KRI1: variants seen among roughly 807,000 people sequenced by gnomAD.
KRI1 encodes KRI1 homolog, also known as protein KRI1 homolog.
Under a neutral mutation model 97.0 loss-of-function variants are expected in KRI1, and 83 were observed. The ratio of observed to expected loss-of-function variants is 0.86; its 90% CI spans 0.72 to 1.03. The LOEUF (loss-of-function observed/expected upper bound fraction) is 1.03. Ranked by LOEUF, KRI1 falls within the 50% of genes least tolerant of loss-of-function variation. The pLI is 0.00. For missense variants in KRI1, 916 were observed against 928.4 expected (o/e 0.99, Z 0.17); for synonymous variants, 371 against 363.5 (o/e 1.02, Z -0.23).
chr19:10,565,580 T>C (rs1001724982), intron 2 of KRI1, 137 bp downstream of exon 2: 8 of 1,093,340 alleles, frequency 7.3e-6, no homozygotes, highest in Middle Eastern at 3.1e-4. Flanking sequence ...CTGTCCCTCA[T>C]GGGATGGGGA....
intron 12 of KRI1, 83 bp downstream of exon 12, chr19:10,559,276 A>AT: frequency 7.4e-6 from 11 of 1,487,658 alleles, no homozygotes; most frequent in Non-Finnish European, 9.2e-6. Flanking sequence ...AAGTGCTGGG[A>AT]TTACAGGCGT....
rs769497891 is a variant in KRI1 at position 10,559,433 on chromosome 19, T to A, written c.1120A>T (p.Asn374Tyr). 1.9e-6 allele frequency: 3 copies of A among 1,614,086 alleles called. No individual in the cohort carries two copies. The highest frequency in any genetic ancestry group is 1.7e-6 in the Non-Finnish European group (2 of 1,180,040). ...CCCTCCTCGAGGCCCAGCATCTCGT[T>A]GCCTGTTACTTTCCGCAGCTTCTCC... Reference protein sequence around the residue: ...KLEKLRKVTGNEMLGLEEGDL... With the variant: ...KLEKLRKVTGYEMLGLEEGDL... Residue 374 changes from asparagine (N) to tyrosine (Y), a missense_variant, in exon 12 of 19, where the codon AAC (asparagine) becomes TAC (tyrosine). Physicochemically the swap from Asn to Tyr is moderately radical, Grantham distance 143. Around this residue, in one of 3 missense-constraint regions of KRI1, gnomAD observed 672 missense variants for 667.2 expected, o/e 1.01. Transcript: ENST00000312962.
chr19:10,561,176 T>C lies in KRI1; in HGVS notation c.578A>G (p.Gln193Arg). The C allele has an allele frequency of 6.2e-7, 1 of 1,614,128 alleles. No homozygotes were observed. ...SLLQKRAKTR[Q>R]EKAQEEADYI... ...TCAGGCCCCAGTACCCACCTTCTCC[T>C]GCCTGGTTTTGGCACGTTTCTGCAG... Residue 193 changes from glutamine to arginine, a missense_variant, in exon 7 of 19, where the codon CAG becomes CGG. By Grantham distance (43) the Gln-to-Arg change is conservative. Coordinates refer to ENST00000312962, the MANE Select transcript of KRI1 (RefSeq NM_023008.5).
At chr19:10,562,873 A>T in intron 3 of KRI1, 36 bp from the exon 4 acceptor site, 2 of 1,298,172 alleles carry the variant, frequency 1.5e-6, no homozygotes, top group Admixed American at 1.7e-5. Flanking sequence ...CATCACCCAC[A>T]ACCCCCTTCT....
Position 10,559,586 on chromosome 19 carries a change from C to T in KRI1, c.1023+27G>A, listed in dbSNP as rs1169823477. On this transcript the variant is annotated intron_variant, in intron 11 of 18. Coordinates refer to ENST00000312962, the MANE Select transcript of KRI1 (RefSeq NM_023008.5). Reference sequence around the variant, plus strand: ...GGGCTTTCCTCCAGGGCTGGGGGGTCCTCCCCAGCTCACCCCCCACACTCA... The same window carrying T: ...GGGCTTTCCTCCAGGGCTGGGGGGTTCTCCCCAGCTCACCCCCCACACTCA... The T allele has an allele frequency of 2.5e-6, 4 of 1,612,104 alleles. No homozygotes were observed. The Admixed American group carries it at 6.7e-5, about 27-fold the overall frequency.
rs555993453 is a variant in KRI1 at position 10,553,873 on chromosome 19, T to C, written c.*78A>G. The stretch of plus-strand genomic sequence containing the variant: ...CAGATGAGAGGATCTCTGCAGCAGA[T>C]AGTACTTGTGGGTGCGAGACCTGTC... On this transcript the variant is annotated 3_prime_UTR_variant, in exon 19 of 19. Transcript: ENST00000312962. 2.5e-6 allele frequency: 3 copies of C among 1,178,956 alleles called. No individual in the cohort carries two copies. Among genetic ancestry groups the C allele is most frequent in the East Asian group, 2.6e-5 (1 of 38,852 alleles). The allele number at this position is 1,178,956 out of a possible 1,614,324, so 73.0% of individuals were successfully genotyped here. A position where few individuals can be genotyped will look rare whatever the true frequency, so the allele number is the denominator to read the frequency against.
In KRI1 at chr19:10,561,193, T is replaced by C. The variant is rs1916687635; in HGVS notation, c.561A>G (p.Lys187=). ...CCTTCTCCTGCCTGGTTTTGGCACG[T>C]TTCTGCAGCAAACTGGAGCCGCCCT... The part of the protein sequence containing the change: ...AGEGGSSLLQ[K]RAKTRQEKAQ... Residue 187 remains lysine (K), a synonymous_variant, in exon 7 of 19, where the codon AAA becomes AAG. Coordinates refer to ENST00000312962, the MANE Select transcript of KRI1 (RefSeq NM_023008.5). 8.1e-6 allele frequency: 13 copies of C among 1,613,936 alleles called. No homozygotes were observed. Among genetic ancestry groups the C allele is most frequent in the African/African-American group, 1.3e-5 (1 of 74,874 alleles).
At chr19:10,561,406 C>G (rs537104450) in intron 6 of KRI1, 141 bp from the exon 7 acceptor site, 1 of 855,380 alleles carries the variant, frequency 1.2e-6, no homozygotes, top group East Asian at 2.6e-5. Flanking sequence ...GTGATCCTCC[C>G]TCCTCTGCCC....
intron 16 of KRI1, among the ~76,000 whole-genome samples, chr19:10,556,374 T>C (rs1046646068): frequency 1.3e-5 from 2 of 150,952 alleles, no homozygotes; most frequent in Admixed American, 1.3e-4. Context: ...CTGACAGGAA[T>C]AAAATAATAT....
At position 10,554,187 on chromosome 19, in the gene KRI1, G is replaced by A. The variant is rs754115317; in HGVS notation, c.1876C>T (p.Pro626Ser). Reference protein sequence around the residue: ...LPALDGSLMGPESPPAQEEEA... With the variant: ...LPALDGSLMGSESPPAQEEEA... ...TCTTCCTGTGCTGGGGGACTCTCCG[G>A]CCCCATCAAGCTGCCATCAAGGGCT... Residue 626 changes from proline to serine, a missense_variant, in exon 19 of 19, where the codon CCG becomes TCG. Physicochemically the swap from Pro to Ser is moderately conservative, Grantham distance 74 (BLOSUM62 -1). This residue lies in a region of KRI1 where 672 missense variants were observed against 667.2 expected (regional missense o/e 1.01). Coordinates refer to ENST00000312962, the MANE Select transcript of KRI1 (RefSeq NM_023008.5). 9.3e-6 allele frequency: 15 copies of A among 1,613,806 alleles called. No homozygotes were observed. Among genetic ancestry groups the A allele is most frequent in the Non-Finnish European group, 1.3e-5 (15 of 1,179,996 alleles).
At position 10,557,550 on chromosome 19, in the gene KRI1, A is replaced by G. The variant is rs774654041; in HGVS notation, c.1617+2T>C. 1 of 1,612,422 alleles carries G rather than the reference A, an allele frequency of 6.2e-7. No individual in the cohort carries two copies. The highest frequency in any genetic ancestry group is 1.7e-5 in the Admixed American group (1 of 59,976). Reference sequence around the variant, plus strand: ...GTGTCCCTGCCTGCCCGGGGCCCCTACCTCCTCAGTGCTGAGGCCAAAGTC... The same window carrying G: ...GTGTCCCTGCCTGCCCGGGGCCCCTGCCTCCTCAGTGCTGAGGCCAAAGTC... On this transcript the variant is annotated splice_donor_variant, in intron 16 of 18. Coordinates refer to ENST00000312962, the MANE Select transcript of KRI1 (RefSeq NM_023008.5). LOFTEE classifies it high-confidence loss of function.
intron 16 of KRI1, among the ~76,000 whole-genome samples, chr19:10,556,337 T>C (rs1392264552): frequency 6.6e-6 from 1 of 151,488 alleles, no homozygotes; most frequent in Admixed American, 6.6e-5. Context: ...TACCAAGTCT[T>C]ACCAGCCAGA....
intron 3 of KRI1, among the ~76,000 whole-genome samples, chr19:10,563,075 A>T (rs1476104788): frequency 6.6e-6 from 1 of 151,632 alleles, no homozygotes; most frequent in African/African-American, 2.4e-5. Context: ...TTTTTTTTTG[A>T]GGTGGAGTCT....
rs1427606242 is a variant in KRI1 at position 10,553,162 on chromosome 19, C to G, written c.*789G>C. 1 of 1,408,736 alleles carries G rather than the reference C, an allele frequency of 7.1e-7. No individual in the cohort carries two copies. The highest frequency in any genetic ancestry group is 2.5e-5 in the East Asian group (1 of 40,040). The allele number at this position is 1,408,736 out of a possible 1,614,324, so 87.3% of individuals were successfully genotyped here. A position where few individuals can be genotyped will look rare whatever the true frequency, so the allele number is the denominator to read the frequency against. Reference sequence around the variant, plus strand: ...TTGAGCTCTGGCAGTGATGATGGTACTTCCTGTTGTCAGCCCCTCAAGCCC... The same window carrying G: ...TTGAGCTCTGGCAGTGATGATGGTAGTTCCTGTTGTCAGCCCCTCAAGCCC... On this transcript the variant is annotated 3_prime_UTR_variant, in exon 19 of 19. Transcript: ENST00000312962.
chr19:10,565,359 G>A lies in KRI1; in HGVS notation c.169-325C>T, dbSNP rs189917217. 140 of 531,372 alleles carry A rather than the reference G, an allele frequency of 2.6e-4. 1 individual carries two copies. The East Asian group carries it at 4.7e-3, about 18-fold the overall frequency. The allele number at this position is 531,372 out of a possible 1,614,324, so 32.9% of individuals were successfully genotyped here. On this transcript the variant is annotated intron_variant, in intron 2 of 18. Transcript: ENST00000312962. ...GGGGCTGGGCCAGGCCGCACAGTGG[G>A]GCCAGGATCAGGGCTGATGTGAGAA...
chr19:10,553,279 A>T lies in KRI1; in HGVS notation c.*672T>A. On this transcript the variant is annotated 3_prime_UTR_variant, in exon 19 of 19. Coordinates refer to ENST00000312962, the MANE Select transcript of KRI1 (RefSeq NM_023008.5). ...ACCAGCGGGGCCCTCCTGGCAGGGT[A>T]GGGAAGGAGGACCCCGGGCACCCCC... 1.6e-6 allele frequency: 1 copy of T among 606,138 alleles called. No individual in the cohort carries two copies. The highest frequency in any genetic ancestry group is 2.9e-5 in the East Asian group (1 of 34,364). 37.5% of individuals were successfully genotyped at this position (606,138 alleles called of 1,614,324 possible).
Position 10,559,358 on chromosome 19 carries a change from C to T in KRI1, c.1194+1G>A, listed in dbSNP as rs779848502. ...ATGTTGGGCCGGGATGAGGGCCGCA[C>T]CTGCATGAGCTGGTCGTGCTGGGCA... On this transcript the variant is annotated splice_donor_variant, in intron 12 of 18. Coordinates refer to ENST00000312962, the MANE Select transcript of KRI1 (RefSeq NM_023008.5). LOFTEE classifies it high-confidence loss of function. The T allele has an allele frequency of 3.7e-6, 6 of 1,612,726 alleles. No individual in the cohort carries two copies. In the South Asian group the frequency reaches 6.6e-5, roughly 18 times the overall value.
chr19:10,562,353 T>C (rs564345068), intron 4 of KRI1, among the ~76,000 whole-genome samples: 3 of 145,150 alleles, frequency 2.1e-5, no homozygotes, highest in African/African-American at 5.2e-5. Context: ...CCCGGCCTTT[T>C]TTCTTTTTGA....
At chr19:10,560,580 T>G (rs1229810632) in intron 8 of KRI1, 132 bp from the exon 9 acceptor site, 2 of 655,424 alleles carry the variant, frequency 3.1e-6, no homozygotes, top group Non-Finnish European at 5.3e-6. Context: ...CTTATTTTTA[T>G]TTCGAGACAG....
Sources: allele counts gnomAD v4.1 joint callset (sites outside exome capture counted in the v4.1 genomes callset), GRCh38; gene constraint gnomAD v4.1.1; regional missense constraint gnomAD v4.1.1; transcripts MANE v1.5; gene names NCBI Gene and HGNC (gene_info 2026-07-23, HGNC 2026-07-21).